Variants in TRHDE observed in about 807,000 individuals in gnomAD.
TRHDE encodes the protein thyrotropin-releasing hormone-degrading ectoenzyme.
TRHDE carries 72 observed loss-of-function variants against 125.7 expected under a neutral mutation model. The ratio of observed to expected loss-of-function variants is 0.57; its 90% CI spans 0.47 to 0.70. TRHDE has a LOEUF of 0.70. Ranked by LOEUF, TRHDE falls within the 30% of genes least tolerant of loss-of-function variation. TRHDE has a pLI of 0.00. For missense variants in TRHDE, 1,110 were observed against 1,327.1 expected (o/e 0.84, Z 2.54); for synonymous variants, 509 against 509.1 (o/e 1.00, Z 0.00).
At chr12:72,388,657 T>C (rs1872523189) in intron 3 of TRHDE, among the ~76,000 whole-genome samples, 2 of 152,162 alleles carry the variant, frequency 1.3e-5, no homozygotes, top group Non-Finnish European at 2.9e-5. Context: ...AACTCTTCTC[T>C]GTAAATAAAA....
chr12:72,265,900 G>A (rs539629475), intron 2 of TRHDE, among the ~76,000 whole-genome samples: 49 of 151,696 alleles, frequency 3.2e-4, no homozygotes, highest in Non-Finnish European at 6.6e-4. Context: ...TACATACAGC[G>A]ATATGACCTC....
At chr12:72,248,052 C>T (rs573047040) in intron 2 of TRHDE, among the ~76,000 whole-genome samples, 2 of 152,144 alleles carry the variant, frequency 1.3e-5, no homozygotes, top group Non-Finnish European at 2.9e-5. Flanking sequence ...CATATGTATG[C>T]ATGCATGTGT....
chr12:72,648,032 C>T (rs1262904221), intron 15 of TRHDE, among the ~76,000 whole-genome samples: 1 of 152,050 alleles, frequency 6.6e-6, no homozygotes, highest in Non-Finnish European at 1.5e-5. Context: ...ACCAATATTA[C>T]ATTAAGGGAT....
rs1437923304 is a variant in TRHDE at position 72,562,928 on chromosome 12, G to A, written c.1930G>A (p.Val644Ile). ...GTGGACACTCCAGATGGGTTATCCT[G>A]TTATCACCATCTTGGGAAACACAAC... ...DQWTLQMGYP[V>I]ITILGNTTAE... The change falls in exon 9 of 19, where the codon GTT (valine) becomes ATT (isoleucine). Residue 644 changes from valine (V) to isoleucine (I), a missense_variant. By Grantham distance (29) the Val-to-Ile change is conservative. Around this residue, in one of 5 missense-constraint regions of TRHDE, gnomAD observed 527 missense variants for 651.8 expected, o/e 0.81. Coordinates refer to ENST00000261180, the MANE Select transcript of TRHDE (RefSeq NM_013381.3). The A allele has an allele frequency of 6.2e-7, 1 of 1,610,960 alleles. No homozygotes were observed. Among genetic ancestry groups the A allele is most frequent in the Non-Finnish European group, 8.5e-7 (1 of 1,178,592 alleles).
At chr12:72,568,481 A>G in intron 9 of TRHDE, 87 bp from the exon 10 acceptor site, 1 of 922,282 alleles carries the variant, frequency 1.1e-6, no homozygotes, top group Non-Finnish European at 1.7e-6. Context: ...AGTAATAAAA[A>G]TCACACAGAA....
chr12:72,455,444 G>A (rs1371991203), intron 3 of TRHDE, among the ~76,000 whole-genome samples: 2 of 151,932 alleles, frequency 1.3e-5, no homozygotes, highest in African/African-American at 4.8e-5. Context: ...TTTTGTAAAG[G>A]TAAATTTAGA....
At chr12:72,572,755 C>T (rs769711946) in intron 10 of TRHDE, among the ~76,000 whole-genome samples, 11 of 151,884 alleles carry the variant, frequency 7.2e-5, no homozygotes, top group Non-Finnish European at 1.3e-4. Context: ...AATTATTTTC[C>T]TATTTTAATA....
intron 7 of TRHDE, among the ~76,000 whole-genome samples, chr12:72,547,233 T>A (rs527608138): frequency 1.3e-5 from 2 of 151,844 alleles, no homozygotes; most frequent in Non-Finnish European, 2.9e-5. Flanking sequence ...TAAGACCATA[T>A]GATACTTCTC....
At chr12:72,202,105 G>C (rs1306097788) in intron 2 of TRHDE, among the ~76,000 whole-genome samples, 1 of 152,174 alleles carries the variant, frequency 6.6e-6, no homozygotes, top group Non-Finnish European at 1.5e-5. Context: ...ATGGTTGCTT[G>C]GTGAGATGAC....
intron 2 of TRHDE, among the ~76,000 whole-genome samples, chr12:72,231,057 A>AC (rs1184559159): frequency 1.3e-5 from 2 of 152,220 alleles, no homozygotes; most frequent in Non-Finnish European, 2.9e-5. Flanking sequence ...AGATATCAGA[A>AC]CTATGTCATC....
At chr12:72,632,077 C>G (rs1039117574) in intron 15 of TRHDE, among the ~76,000 whole-genome samples, 1 of 151,902 alleles carries the variant, frequency 6.6e-6, no homozygotes, top group African/African-American at 2.4e-5. Flanking sequence ...TGTTATTTGT[C>G]GAGATGTAGC....
At chr12:72,222,391 G>A (rs1417535205) in intron 2 of TRHDE, among the ~76,000 whole-genome samples, 1 of 152,050 alleles carries the variant, frequency 6.6e-6, no homozygotes, top group African/African-American at 2.4e-5. Flanking sequence ...ATATATCTGA[G>A]GGAAAGTCTC....
intron 13 of TRHDE, among the ~76,000 whole-genome samples, chr12:72,620,278 C>T (rs1865133): frequency 0.077 from 9,808 of 127,110 alleles, 1,073 homozygotes; most frequent in African/African-American, 0.26. Context: ...TGGCAAAATT[C>T]AAGAAGCACA....
At chr12:72,527,438 G>A (rs549568358) in intron 6 of TRHDE, among the ~76,000 whole-genome samples, 1 of 152,188 alleles carries the variant, frequency 6.6e-6, no homozygotes, top group Admixed American at 6.6e-5. Flanking sequence ...CAGGCATGGA[G>A]AACGTATACA....
In TRHDE at chr12:72,223,618, T is replaced by C. The variant is rs114727633; in HGVS notation, n.279+117866T>C. ...CCAAATTACAGACCTGTTAATGTAA[T>C]AGAAATTTATCTACCTGTCTATCTT... On this transcript the variant is annotated intron_variant and non_coding_transcript_variant, in intron 2 of 4. Coordinates refer to the TRHDE transcript ENST00000548156. 6.0e-3 allele frequency among the ~76,000 whole-genome samples: 912 copies of C among 152,244 alleles called. 12 individuals are homozygous for C. Among genetic ancestry groups the C allele is most frequent in the African/African-American group, 0.021 (882 of 41,568 alleles).
At chr12:72,594,200 G>T (rs1033843561) in intron 12 of TRHDE, among the ~76,000 whole-genome samples, 6 of 151,898 alleles carry the variant, frequency 4.0e-5, no homozygotes, top group African/African-American at 1.5e-4. Flanking sequence ...TTTAATGATC[G>T]CCATTCTAAC....
chr12:72,520,162 G>C (rs1879111737), intron 6 of TRHDE, among the ~76,000 whole-genome samples: 1 of 152,208 alleles, frequency 6.6e-6, no homozygotes, highest in African/African-American at 2.4e-5. Flanking sequence ...GCTGTGGTGG[G>C]CTCCACCCAG....
intron 7 of TRHDE, among the ~76,000 whole-genome samples, chr12:72,547,810 A>G (rs1463825943): frequency 6.6e-6 from 1 of 151,894 alleles, no homozygotes; most frequent in Non-Finnish European, 1.5e-5. Context: ...TTGCAACTTA[A>G]GCAGAGTCAG....
chr12:72,372,148 C>G (rs570879780), intron 2 of TRHDE, among the ~76,000 whole-genome samples: 10 of 152,066 alleles, frequency 6.6e-5, no homozygotes, highest in Non-Finnish European at 1.3e-4. Flanking sequence ...GCCAGTGATG[C>G]TGAGCATTTT....
Sources: gnomAD v4.1 joint callset for allele counts (sites outside exome capture counted in the v4.1 genomes callset) on GRCh38, gnomAD v4.1.1 for gene constraint, gnomAD v4.1.1 regional missense constraint, MANE v1.5 for transcripts, NCBI Gene and HGNC (gene_info 2026-07-23, HGNC 2026-07-21) for gene names.